The following PELI1 variants were observed in gnomAD, a reference collection of about 807,000 sequenced individuals.
PELI1 encodes the protein pellino E3 ubiquitin protein ligase 1.
Under a neutral mutation model 41.3 loss-of-function variants are expected in PELI1, and 15 were observed. The observed-to-expected ratio is 0.36, with a 90% CI of 0.24 to 0.56. The LOEUF (loss-of-function observed/expected upper bound fraction) is 0.56. Ranked by LOEUF, PELI1 falls within the 20% of genes least tolerant of loss-of-function variation. The pLI is 0.82. For synonymous variants in PELI1, 178 were observed against 180.1 expected (o/e 0.99, Z 0.09); for missense variants, 403 against 525.5 (o/e 0.77, Z 2.28).
intron 3 of PELI1, among the ~76,000 whole-genome samples, chr2:64,102,343 C>T (rs757175055): frequency 6.6e-6 from 1 of 151,776 alleles, no homozygotes; most frequent in East Asian, 1.9e-4. Flanking sequence ...TATATATATA[C>T]ACACGCACAC....
chr2:64,106,456 T>C (rs566165928), intron 2 of PELI1, among the ~76,000 whole-genome samples: 40 of 152,336 alleles, frequency 2.6e-4, no homozygotes, highest in African/African-American at 9.1e-4. Context: ...CAAATGACTC[T>C]CAAATTTCCT....
rs748021111 is a variant in PELI1, at chr2:64,108,344, T to C, written c.-34A>G. 9.7e-6 allele frequency: 13 copies of C among 1,346,660 alleles called. No homozygotes were observed. Among genetic ancestry groups the C allele is most frequent in the Admixed American group, 1.7e-5 (1 of 59,134 alleles). The allele number at this position is 1,346,660 out of a possible 1,614,324, so 83.4% of individuals were successfully genotyped here. A position where few individuals can be genotyped will look rare whatever the true frequency, so the allele number is the denominator to read the frequency against. On this transcript the variant is annotated 5_prime_UTR_variant, in exon 2 of 7. Transcript: ENST00000358912. ...CTGTCTTTCTCAAATCTTTGTTCAC[T>C]GGTCAGGAGCCTTGGGACACCTTTT...
intron 1 of PELI1, among the ~76,000 whole-genome samples, chr2:64,117,362 A>G (rs1369651538): frequency 6.7e-6 from 1 of 149,924 alleles, no homozygotes; most frequent in Non-Finnish European, 1.5e-5. Context: ...TTTTTTTACC[A>G]CTCTTAATAT....
At chr2:64,098,956 C>G (rs1166386720) in intron 4 of PELI1, among the ~76,000 whole-genome samples, 2 of 152,120 alleles carry the variant, frequency 1.3e-5, no homozygotes, top group Non-Finnish European at 2.9e-5. Flanking sequence ...ACTGTTAAAA[C>G]TTATTCAAGG....
chr2:64,111,246 T>C (rs1248677455), intron 1 of PELI1, among the ~76,000 whole-genome samples: 1 of 152,168 alleles, frequency 6.6e-6, no homozygotes, highest in Non-Finnish European at 1.5e-5. Context: ...AAATACAGCC[T>C]GTGTAGTGGC....
At position 64,095,234 on chromosome 2, in the gene PELI1, G is replaced by C. The variant is rs1404669600; in HGVS notation, c.725C>G (p.Ser242Trp). The C allele has an allele frequency of 1.2e-6, 2 of 1,613,804 alleles. No homozygotes were observed. The highest frequency in any genetic ancestry group is 1.7e-6 in the Non-Finnish European group (2 of 1,179,880). The change falls in exon 7 of 7, where the codon TCG (serine) becomes TGG (tryptophan). Residue 242 changes from serine (S) to tryptophan (W), a missense_variant. Coordinates refer to ENST00000358912, the MANE Select transcript of PELI1 (RefSeq NM_020651.4). ...TGTTGCACCACAGAGGTCAATTAAC[G>C]AGCCATCTTGTAACTGATTGGTTTC... ...EIETNQLQDG[S>W]LIDLCGATLL...
At chr2:64,118,030 C>T (rs576388417) in intron 1 of PELI1, among the ~76,000 whole-genome samples, 1 of 152,076 alleles carries the variant, frequency 6.6e-6, no homozygotes, top group Non-Finnish European at 1.5e-5. Flanking sequence ...AGAATGGTCT[C>T]GATATCCTGA....
rs1681405417 is a variant in PELI1 at position 64,126,839 on chromosome 2, T to C, written c.-70+17242A>G. On this transcript the variant is annotated intron_variant, in intron 1 of 6. Coordinates refer to ENST00000358912, the MANE Select transcript of PELI1 (RefSeq NM_020651.4). ...AAACCAGTTTAGGTGGAAGAAACAA[T>C]CGCATAAAGATAAAAAAGACAAGGG... Among the ~76,000 whole-genome samples, 3 of 151,310 alleles carry C rather than the reference T, an allele frequency of 2.0e-5. No individual in the cohort carries two copies. In the South Asian group the frequency reaches 6.3e-4, roughly 32 times the overall value.
At chr2:64,096,783 T>G (rs1680253622) in intron 4 of PELI1, among the ~76,000 whole-genome samples, 173 bp from the exon 5 acceptor site, 1 of 152,156 alleles carries the variant, frequency 6.6e-6, no homozygotes, top group African/African-American at 2.4e-5. Context: ...AGTCAGACTG[T>G]CTCTGATGAA....
chr2:64,103,322 GTAT>G (rs995553653), intron 3 of PELI1, among the ~76,000 whole-genome samples: 4 of 152,154 alleles, frequency 2.6e-5, no homozygotes, highest in African/African-American at 7.2e-5. Context: ...ACCAGAGGTA[GTAT>G]TAGCAGTCTA....
intron 6 of PELI1, 25 bp downstream of exon 6, chr2:64,096,100 T>A (rs1391634582): frequency 1.9e-6 from 3 of 1,542,700 alleles, no homozygotes; most frequent in Non-Finnish European, 2.7e-6. Flanking sequence ...TGTAGCTAAT[T>A]AAGAAAATAC....
intron 1 of PELI1, 106 bp from the exon 2 acceptor site, chr2:64,108,485 A>T (rs1369839106): frequency 3.5e-6 from 2 of 566,678 alleles, no homozygotes; most frequent in African/African-American, 3.8e-5. Flanking sequence ...GCAAACCATC[A>T]CAAGGTATAT....
At position 64,102,936 on chromosome 2, in the gene PELI1, G is replaced by A. The variant is rs181885086; in HGVS notation, c.201+1765C>T. On this transcript the variant is annotated intron_variant, in intron 3 of 6. Transcript: ENST00000358912. ...CAGCTCACTGCAGCCTCTGCCTCCCGGGCTCAAGTGATCCTCCCACTTCAG... is the reference window on the plus strand; with the variant it reads ...CAGCTCACTGCAGCCTCTGCCTCCCAGGCTCAAGTGATCCTCCCACTTCAG... Among the ~76,000 whole-genome samples, 215 of 151,090 alleles carry A rather than the reference G, an allele frequency of 1.4e-3. 3 individuals are homozygous for A. The highest frequency in any genetic ancestry group is 5.1e-3 in the African/African-American group (209 of 41,020).
chr2:64,126,344 A>C (rs552494835), intron 1 of PELI1, among the ~76,000 whole-genome samples: 2 of 152,274 alleles, frequency 1.3e-5, no homozygotes, highest in Non-Finnish European at 2.9e-5. Context: ...TTGTATTTTT[A>C]GTAGAGACGG....
Position 64,096,060 on chromosome 2 carries a change from C to T in PELI1, c.690+65G>A, listed in dbSNP as rs1212064376. On this transcript the variant is annotated intron_variant, in intron 6 of 6. Transcript: ENST00000358912. ...AGAGTTTTCTGGAATGTATGTAATG[C>T]ATTCAGTTCTACTCATCCTATGTGT... The T allele has an allele frequency of 1.6e-5, 17 of 1,068,410 alleles. 1 individual carries two copies. Among genetic ancestry groups the T allele is most frequent in the Non-Finnish European group, 1.8e-5 (13 of 714,670 alleles). The allele number at this position is 1,068,410 out of a possible 1,614,324, so 66.2% of individuals were successfully genotyped here. A position where few individuals can be genotyped will look rare whatever the true frequency, so the allele number is the denominator to read the frequency against.
At chr2:64,105,938 C>G (rs1680604188) in intron 2 of PELI1, among the ~76,000 whole-genome samples, 1 of 152,094 alleles carries the variant, frequency 6.6e-6, no homozygotes, top group African/African-American at 2.4e-5. Flanking sequence ...GTAATTGTGG[C>G]TGGCAAGGAA....
At chr2:64,133,642 G>C (rs1251920506) in intron 1 of PELI1, among the ~76,000 whole-genome samples, 2 of 151,868 alleles carry the variant, frequency 1.3e-5, no homozygotes, top group Non-Finnish European at 2.9e-5. Context: ...AAATATATAA[G>C]GTCACATATT....
intron 1 of PELI1, among the ~76,000 whole-genome samples, chr2:64,128,620 T>A (rs1379319600): frequency 1.3e-5 from 2 of 152,150 alleles, no homozygotes; most frequent in Non-Finnish European, 2.9e-5. Context: ...ATAAGGTTTT[T>A]AAAAAATTCT....
chr2:64,111,255 G>A (rs1019452866), intron 1 of PELI1, among the ~76,000 whole-genome samples: 11 of 152,036 alleles, frequency 7.2e-5, no homozygotes, highest in African/African-American at 1.7e-4. Context: ...CTGTGTAGTG[G>A]CACTTTTGGT....
Sources: allele counts gnomAD v4.1 joint callset (sites outside exome capture counted in the v4.1 genomes callset), GRCh38; gene constraint gnomAD v4.1.1; transcripts MANE v1.5; gene names NCBI Gene and HGNC (gene_info 2026-07-23, HGNC 2026-07-21).